RALGPS2: variants seen among roughly 807,000 people sequenced by gnomAD.
RALGPS2 encodes Ral GEF with PH domain and SH3 binding motif 2, also known as ras-specific guanine nucleotide-releasing factor RalGPS2.
In RALGPS2, 43 loss-of-function variants were observed where a neutral mutation model predicts 86.8. The observed-to-expected ratio is 0.50, with a 90% CI of 0.39 to 0.64. The LOEUF is 0.64. RALGPS2 is among the 30% of genes least tolerant of loss of function. The pLI is 0.00. For missense variants in RALGPS2, 536 were observed against 694.6 expected, an observed-to-expected ratio of 0.77 and a Z score of 2.57; for synonymous variants, 243 against 231.3, an observed-to-expected ratio of 1.05 and a Z score of -0.46.
chr1:178,741,296 G>A (rs1329762249), intron 1 of RALGPS2, among the ~76,000 whole-genome samples: 2 of 152,184 alleles, frequency 1.3e-5, no homozygotes, highest in African/African-American at 4.8e-5. Flanking sequence ...TAGAAACTGA[G>A]GCACAGAGAG....
At chr1:178,728,683 ATTG>A (rs1214242412) in intron 1 of RALGPS2, among the ~76,000 whole-genome samples, 1 of 152,116 alleles carries the variant, frequency 6.6e-6, no homozygotes, top group Non-Finnish European at 1.5e-5. Context: ...TACCCTGTAA[ATTG>A]TTTCTTTAAA....
chr1:178,825,085 T>C (rs1655689674), intron 7 of RALGPS2, among the ~76,000 whole-genome samples: 1 of 152,176 alleles, frequency 6.6e-6, no homozygotes, highest in South Asian at 2.1e-4. Context: ...TGATAGACCT[T>C]ATGTAGGATC....
At chr1:178,835,398 T>C (rs181889989) in intron 8 of RALGPS2, among the ~76,000 whole-genome samples, 67 of 149,032 alleles carry the variant, frequency 4.5e-4, no homozygotes, top group African/African-American at 1.5e-3. Flanking sequence ...TTTTCTTTTT[T>C]TTTTTTTTTT....
chr1:178,747,642 A>G (rs1289910297), intron 1 of RALGPS2: 9 of 1,554,260 alleles, frequency 5.8e-6, no homozygotes, highest in African/African-American at 5.4e-5. Context: ...TGGCATTAAT[A>G]TAATCATTCT....
chr1:178,833,591 C>T (rs558678231), intron 8 of RALGPS2, 41 bp downstream of exon 8: 1 of 1,507,980 alleles, frequency 6.6e-7, no homozygotes, highest in African/African-American at 1.5e-5. Context: ...CTAGTTGTTA[C>T]TCTTCCTTAC....
intron 4 of RALGPS2, among the ~76,000 whole-genome samples, chr1:178,793,779 T>C (rs1329092147): frequency 6.6e-6 from 1 of 152,176 alleles, no homozygotes; most frequent in Non-Finnish European, 1.5e-5. Context: ...TCTCCCATTG[T>C]TTATCATTTT....
intron 8 of RALGPS2, among the ~76,000 whole-genome samples, chr1:178,847,828 C>T (rs1046147856): frequency 2.6e-5 from 4 of 152,096 alleles, no homozygotes; most frequent in Non-Finnish European, 5.9e-5. Context: ...CTTTATTCTA[C>T]GAGGCATGAA....
At chr1:178,745,981 C>T (rs556319074) in intron 1 of RALGPS2, among the ~76,000 whole-genome samples, 2 of 151,908 alleles carry the variant, frequency 1.3e-5, no homozygotes, top group Admixed American at 6.6e-5. Context: ...GCCACCATAC[C>T]TGGCTAATTT....
Position 178,821,605 on chromosome 1 carries a change from T to C in RALGPS2, c.388-7T>C, listed in dbSNP as rs746919144. On this transcript the variant is annotated splice_polypyrimidine_tract_variant and splice_region_variant and intron_variant, in intron 6 of 19. Transcript: ENST00000367635. ...TCCCTCTCCCCCATTTTTTTTCAAA[T>C]CTTCAGAAACTGTATGAGCTGAATA... 3.7e-6 allele frequency: 6 copies of C among 1,605,902 alleles called. No individual in the cohort carries two copies. The highest frequency in any genetic ancestry group is 5.1e-6 in the Non-Finnish European group (6 of 1,177,036).
intron 1 of RALGPS2, among the ~76,000 whole-genome samples, chr1:178,740,000 A>G (rs1650927619): frequency 6.6e-6 from 1 of 152,202 alleles, no homozygotes; most frequent in South Asian, 2.1e-4. Flanking sequence ...GAAATAATAG[A>G]TAATAGTGGG....
chr1:178,829,213 T>C (rs1478729465), intron 7 of RALGPS2, among the ~76,000 whole-genome samples: 2 of 152,172 alleles, frequency 1.3e-5, no homozygotes, highest in Non-Finnish European at 2.9e-5. Context: ...GCTGAACTCA[T>C]AGAAGCAAAA....
chr1:178,850,439 G>A (rs1192442880), intron 8 of RALGPS2: 2 of 152,064 alleles, frequency 1.3e-5, no homozygotes, highest in Non-Finnish European at 2.9e-5. Context: ...AGATAACACT[G>A]AAAAATTCAT....
chr1:178,873,331 A>G (rs559044325), intron 8 of RALGPS2, among the ~76,000 whole-genome samples: 38 of 152,348 alleles, frequency 2.5e-4, no homozygotes, highest in African/African-American at 9.1e-4. Context: ...AAAAATGAAC[A>G]GAAACATTTA....
intron 4 of RALGPS2, among the ~76,000 whole-genome samples, chr1:178,796,453 G>T (rs1654194564): frequency 6.6e-6 from 1 of 152,112 alleles, no homozygotes; most frequent in African/African-American, 2.4e-5. Context: ...CCTCTTTTGA[G>T]CACAGAGATG....
chr1:178,753,266 A>ATTT (rs1337862913), intron 1 of RALGPS2, among the ~76,000 whole-genome samples: 2 of 152,158 alleles, frequency 1.3e-5, no homozygotes, highest in African/African-American at 2.4e-5. Context: ...ATTCTTACAC[A>ATTT]TTTGAAAGAT....
chr1:178,743,057 A>AT (rs758297186), intron 1 of RALGPS2, among the ~76,000 whole-genome samples: 88 of 152,212 alleles, frequency 5.8e-4, no homozygotes, highest in African/African-American at 2.0e-3. Context: ...CTTTACAAAC[A>AT]TTTTTTTAAA....
At chr1:178,901,981 C>A in intron 17 of RALGPS2, 125 bp from the exon 18 acceptor site, 2 of 675,480 alleles carry the variant, frequency 3.0e-6, no homozygotes, top group Admixed American at 2.5e-5. Flanking sequence ...CTGGCTGAGA[C>A]CAGCATGAAG....
At chr1:178,747,047 A>C (rs1225824083) in intron 1 of RALGPS2, 5 of 868,882 alleles carry the variant, frequency 5.8e-6, no homozygotes, top group African/African-American at 3.2e-5. Flanking sequence ...ATGTATGAGA[A>C]TCTCAGTTGA....
chr1:178,794,434 G>A (rs1256617978), intron 4 of RALGPS2, among the ~76,000 whole-genome samples: 1 of 152,086 alleles, frequency 6.6e-6, no homozygotes, highest in Non-Finnish European at 1.5e-5. Context: ...TCTTTTAGAA[G>A]GCTCTTACAC....
Sources: allele counts gnomAD v4.1 joint callset (sites outside exome capture counted in the v4.1 genomes callset), GRCh38; gene constraint gnomAD v4.1.1; transcripts MANE v1.5; gene names NCBI Gene and HGNC (gene_info 2026-07-23, HGNC 2026-07-21).